Variants in MAST3 observed in about 807,000 individuals in gnomAD.
MAST3 encodes microtubule associated serine/threonine kinase 3, also known as microtubule-associated serine/threonine-protein kinase 3.
In MAST3, 43 loss-of-function variants were observed where a neutral mutation model predicts 127.0. The ratio of observed to expected loss-of-function variants is 0.34; its 90% CI spans 0.27 to 0.44. The LOEUF is 0.44. MAST3 is among the 20% of genes least tolerant of loss of function. The probability of loss-of-function intolerance (pLI) is 1.00; values close to 1 mark genes in which losing one functional copy is unlikely to be tolerated. For missense variants in MAST3, 1,390 were observed against 1,919.1 expected, an observed-to-expected ratio of 0.72 and a Z score of 5.15; for synonymous variants, 785 against 809.2, an observed-to-expected ratio of 0.97 and a Z score of 0.51.
At chr19:18,111,745 G>T (rs1214083476) in intron 3 of MAST3, among the ~76,000 whole-genome samples, 1 of 152,008 alleles carries the variant, frequency 6.6e-6, no homozygotes, top group Admixed American at 6.5e-5. Flanking sequence ...TGTTGGCCAG[G>T]CTGGTCGCAA....
At chr19:18,113,504 A>G (rs1478872235) in intron 3 of MAST3, among the ~76,000 whole-genome samples, 1 of 152,164 alleles carries the variant, frequency 6.6e-6, no homozygotes, top group African/African-American at 2.4e-5. Flanking sequence ...CTTGTTGCAC[A>G]GGCTGCAGTG....
Position 18,144,989 on chromosome 19 carries a change from C to G in MAST3, c.2813-14C>G, listed in dbSNP as rs1383799539. On this transcript the variant is annotated splice_polypyrimidine_tract_variant and intron_variant, in intron 23 of 27. Coordinates refer to ENST00000687212, the MANE Select transcript of MAST3 (RefSeq NM_001393504.1). The surrounding 1 kb of genome is among the most constrained non-coding windows in gnomAD (Gnocchi z 4.0). ...TGTGAGGGAGTGAGTGACCCCCTCC[C>G]TAACCCCCTGCAGATGATGGCAGCG... The G allele has an allele frequency of 7.3e-7, 1 of 1,375,602 alleles. No homozygotes were observed. Among genetic ancestry groups the G allele is most frequent in the Admixed American group, 1.7e-5 (1 of 58,770 alleles). The allele number at this position is 1,375,602 out of a possible 1,614,324, so 85.2% of individuals were successfully genotyped here. A position where few individuals can be genotyped will look rare whatever the true frequency, so the allele number is the denominator to read the frequency against.
At position 18,149,429 on chromosome 19, in the gene MAST3, A is replaced by G; in HGVS notation, c.3747A>G (p.Ala1249=). ...SPSPLPGHPP[A]PARSPRLRRG... ...CGCCCCTGCCCGGGCACCCGCCCGC[A>G]CCTGCCCGATCCCCGCGGCTGCGCC... Residue 1249 remains alanine (A), a synonymous_variant, in exon 28 of 28, where the codon GCA becomes GCG. Coordinates refer to ENST00000687212, the MANE Select transcript of MAST3 (RefSeq NM_001393504.1). This position sits in a 1 kb window ranked among gnomAD's most constrained non-coding sequence, Gnocchi z 5.9. The G allele has an allele frequency of 6.6e-7, 1 of 1,507,986 alleles. No homozygotes were observed. Among genetic ancestry groups the G allele is most frequent in the Non-Finnish European group, 8.8e-7 (1 of 1,132,988 alleles). 93.4% of individuals were successfully genotyped at this position (1,507,986 alleles called of 1,614,324 possible). A position where few individuals can be genotyped will look rare whatever the true frequency, so the allele number is the denominator to read the frequency against.
In MAST3 at chr19:18,149,550, C is replaced by G; in HGVS notation, c.3868C>G (p.Arg1290Gly). The G allele has an allele frequency of 6.4e-7, 1 of 1,573,354 alleles. No homozygotes were observed. The highest frequency in any genetic ancestry group is 8.6e-7 in the Non-Finnish European group (1 of 1,160,594). ...RGPEAELVVM[R>G]RLHLSERRDS... ...GCCAGAGGCCGAGCTCGTGGTCATG[C>G]GGCGGCTGCACCTGTCCGAGCGCCG... is the stretch of plus-strand genomic sequence containing the variant. Residue 1290 changes from arginine to glycine, a missense_variant, in exon 28 of 28, where the codon CGG becomes GGG. By Grantham distance (125) the Arg-to-Gly change is moderately radical. Around this residue, in one of 5 missense-constraint regions of MAST3, gnomAD observed 816 missense variants for 934.1 expected, o/e 0.87. Coordinates refer to ENST00000687212, the MANE Select transcript of MAST3 (RefSeq NM_001393504.1). This position sits in a 1 kb window ranked among gnomAD's most constrained non-coding sequence, Gnocchi z 5.9.
intron 27 of MAST3, 34 bp downstream of exon 27, chr19:18,147,658 A>G (rs765230717): frequency 2.8e-6 from 4 of 1,442,234 alleles, no homozygotes; most frequent in African/African-American, 2.8e-5. Context: ...CACCCCGGCT[A>G]CCCTGGGAGC....
chr19:18,132,236 T>C (rs1463996417), intron 15 of MAST3, among the ~76,000 whole-genome samples, 189 bp downstream of exon 15: 1 of 152,114 alleles, frequency 6.6e-6, no homozygotes, highest in East Asian at 1.9e-4. Context: ...GAACATCTTG[T>C]GTGTACAGAG....
intron 15 of MAST3, among the ~76,000 whole-genome samples, chr19:18,132,979 T>C (rs559136560): frequency 6.6e-6 from 1 of 152,126 alleles, no homozygotes; most frequent in Non-Finnish European, 1.5e-5. Flanking sequence ...AGCGCGCACT[T>C]GTAGTCCCAG....
chr19:18,110,834 C>T lies in MAST3; in HGVS notation c.161+93C>T. ...CAGACTCATCGGTCTCCTCAAGATACTGCAGGTTGGTGACATCACCTCTCT... is the reference window on the plus strand; with the variant it reads ...CAGACTCATCGGTCTCCTCAAGATATTGCAGGTTGGTGACATCACCTCTCT... On this transcript the variant is annotated intron_variant, in intron 3 of 27. Coordinates refer to ENST00000687212, the MANE Select transcript of MAST3 (RefSeq NM_001393504.1). The surrounding 1 kb of genome is among the most constrained non-coding windows in gnomAD (Gnocchi z 4.3). 2 of 595,376 alleles carry T rather than the reference C, an allele frequency of 3.4e-6. No homozygotes were observed. The highest frequency in any genetic ancestry group is 7.4e-5 in the South Asian group (1 of 13,428). 36.9% of individuals were successfully genotyped at this position (595,376 alleles called of 1,614,324 possible). A position where few individuals can be genotyped will look rare whatever the true frequency, so the allele number is the denominator to read the frequency against.
At chr19:18,128,081 G>A (rs1048653058) in intron 11 of MAST3, among the ~76,000 whole-genome samples, 4 of 152,208 alleles carry the variant, frequency 2.6e-5, no homozygotes, top group Admixed American at 6.5e-5. Flanking sequence ...TGCACCCTGA[G>A]CTGAGGAAGA....
chr19:18,127,766 G>C (rs1273150284), intron 11 of MAST3, among the ~76,000 whole-genome samples: 1 of 152,228 alleles, frequency 6.6e-6, no homozygotes, highest in Non-Finnish European at 1.5e-5. Flanking sequence ...GGCTGAGACA[G>C]GAGAAGCACT....
chr19:18,146,657 G>A (rs762570783), intron 25 of MAST3, among the ~76,000 whole-genome samples: 3 of 152,142 alleles, frequency 2.0e-5, no homozygotes, highest in Non-Finnish European at 2.9e-5. Flanking sequence ...GGCAGGCCTC[G>A]ATCGGCGTTG....
chr19:18,103,764 C>T (rs547404383), intron 1 of MAST3, among the ~76,000 whole-genome samples: 4 of 152,202 alleles, frequency 2.6e-5, no homozygotes, highest in South Asian at 2.1e-4. Flanking sequence ...AGTCACTTGT[C>T]GGGTCACACA....
chr19:18,135,687 G>A, intron 17 of MAST3, 53 bp from the exon 18 acceptor site: 1 of 1,347,696 alleles, frequency 7.4e-7, no homozygotes, highest in South Asian at 1.3e-5. Flanking sequence ...ACTAGAAAGG[G>A]GTACCCTGCC....
rs1599666083 is a variant in MAST3, at chr19:18,107,630, T to C, written c.71+12T>C. 1.2e-6 allele frequency: 2 copies of C among 1,612,060 alleles called. No individual in the cohort carries two copies. Among genetic ancestry groups the C allele is most frequent in the East Asian group, 2.2e-5 (1 of 44,756 alleles). ...CGCCGAGGACGTGGGTGAGTTCACC[T>C]GGGACTGGCGGGCTGGGTGGGCCCC... On this transcript the variant is annotated intron_variant, in intron 2 of 27. Coordinates refer to ENST00000687212, the MANE Select transcript of MAST3 (RefSeq NM_001393504.1).
chr19:18,124,530 G>A, intron 10 of MAST3, 112 bp from the exon 11 acceptor site: 2 of 1,424,376 alleles, frequency 1.4e-6, no homozygotes, highest in South Asian at 1.3e-5. Flanking sequence ...GGCAGCGGGA[G>A]TGGAGACCCA....
chr19:18,107,226 G>A (rs1407076664), intron 1 of MAST3, among the ~76,000 whole-genome samples: 1 of 151,984 alleles, frequency 6.6e-6, no homozygotes, highest in Non-Finnish European at 1.5e-5. Flanking sequence ...GTCTCCCAAA[G>A]TACTGAGATC....
intron 15 of MAST3, among the ~76,000 whole-genome samples, chr19:18,133,418 C>T (rs1056497432): frequency 3.9e-5 from 6 of 152,078 alleles, no homozygotes; most frequent in Non-Finnish European, 5.9e-5. Flanking sequence ...CAGTCTTTGT[C>T]GCCCGGGCTG....
intron 3 of MAST3, among the ~76,000 whole-genome samples, chr19:18,115,818 C>T (rs1568556597): frequency 6.6e-6 from 1 of 152,240 alleles, no homozygotes. Context: ...CAAGCACCCT[C>T]CATGGCTCCC....
At chr19:18,123,849 C>T (rs998612068) in intron 8 of MAST3, 90 bp from the exon 9 acceptor site, 2 of 1,286,910 alleles carry the variant, frequency 1.6e-6, no homozygotes, top group African/African-American at 1.5e-5. Flanking sequence ...CCCATCTCCT[C>T]TCTCCCCAAC....
Sources: gnomAD v4.1 joint callset for allele counts (sites outside exome capture counted in the v4.1 genomes callset) on GRCh38, gnomAD v4.1.1 for gene constraint, gnomAD v4.1.1 regional missense constraint, Gnocchi (gnomAD v3.1) non-coding constraint, MANE v1.5 for transcripts, NCBI Gene and HGNC (gene_info 2026-07-23, HGNC 2026-07-21) for gene names.